Variants in SLC22A25 observed in about 807,000 individuals in gnomAD.
SLC22A25 encodes MGI:2442751, MGI:2385316, MGI:3042283, MGI:3645714, MGI:3605624, MGI:2442750.
A neutral mutation model predicts 45.9 loss-of-function variants in SLC22A25; 44 were observed. That is an observed-to-expected ratio of 0.96 (90% CI 0.75 to 1.23). The LOEUF (loss-of-function observed/expected upper bound fraction) is 1.23. Among genes scored for constraint, SLC22A25 ranks in the 50% most tolerant of loss-of-function variants. SLC22A25 has a pLI of 0.00. For synonymous variants in SLC22A25, 283 were observed against 238.6 expected (o/e 1.19, Z -1.72); for missense variants, 800 against 666.4 (o/e 1.20, Z -2.21).
Position 63,214,719 on chromosome 11 carries a change from C to T in SLC22A25, c.830+2595G>A, listed in dbSNP as rs562700999. ...TGTTTCTCACTTCTGTAATATGCTTCCCCCTGCACAGATCTCCCCCCACCC... is the reference window on the plus strand; with the variant it reads ...TGTTTCTCACTTCTGTAATATGCTTTCCCCTGCACAGATCTCCCCCCACCC... On this transcript the variant is annotated intron_variant, in intron 7 of 11. Transcript: ENST00000306494. Among the ~76,000 whole-genome samples the T allele has an allele frequency of 2.0e-5, 3 of 151,186 alleles. No individual in the cohort carries two copies. The South Asian group carries it at 6.3e-4, about 32-fold the overall frequency.
chr11:63,220,120 G>C (rs775701822), intron 5 of SLC22A25: 2 of 822,190 alleles, frequency 2.4e-6, no homozygotes, highest in Non-Finnish European at 3.5e-6. Context: ...ACCTTTTGTT[G>C]TAAGGTAGAG....
At chr11:63,164,457 C>G (rs1427317101) in intron 11 of SLC22A25, 69 bp downstream of exon 11, 1 of 1,340,402 alleles carries the variant, frequency 7.5e-7, no homozygotes, top group African/African-American at 1.5e-5. Flanking sequence ...ATTTTTTTCC[C>G]TTGTTAAGTG....
chr11:63,223,104 T>C (rs894172989), intron 5 of SLC22A25, among the ~76,000 whole-genome samples: 10 of 152,022 alleles, frequency 6.6e-5, no homozygotes, highest in African/African-American at 2.2e-4. Flanking sequence ...TTGAGGTGTC[T>C]TTGTCTGGTT....
chr11:63,186,245 G>A (rs2088538908), intron 7 of SLC22A25, among the ~76,000 whole-genome samples: 2 of 145,396 alleles, frequency 1.4e-5, no homozygotes, highest in Admixed American at 6.9e-5. Flanking sequence ...TCTAACTGGT[G>A]TGAGATGGTA....
chr11:63,175,820 GGT>G (rs937098880), intron 9 of SLC22A25, among the ~76,000 whole-genome samples: 1 of 148,880 alleles, frequency 6.7e-6, no homozygotes, highest in African/African-American at 2.5e-5. Flanking sequence ...AAGAAAATTG[GGT>G]GTGTATATAT....
intron 5 of SLC22A25, among the ~76,000 whole-genome samples, chr11:63,220,823 A>G (rs1260748520): frequency 6.6e-6 from 1 of 152,032 alleles, no homozygotes; most frequent in Non-Finnish European, 1.5e-5. Context: ...CTCTATGTCC[A>G]TGAGTTTAAT....
intron 5 of SLC22A25, chr11:63,219,848 G>T: frequency 1.8e-6 from 2 of 1,120,876 alleles, no homozygotes; most frequent in Middle Eastern, 2.7e-4. Context: ...TGGGTTACTG[G>T]ACTGTTGGAA....
intron 7 of SLC22A25, among the ~76,000 whole-genome samples, chr11:63,210,995 C>T (rs564664250): frequency 5.3e-5 from 8 of 152,220 alleles, no homozygotes; most frequent in Non-Finnish European, 7.4e-5. Flanking sequence ...TGGGTATTGA[C>T]CCTGACTGTC....
intron 1 of SLC22A25, among the ~76,000 whole-genome samples, chr11:63,242,217 A>G (rs745786421): frequency 6.6e-6 from 1 of 152,190 alleles, no homozygotes; most frequent in Non-Finnish European, 1.5e-5. Context: ...ACTTTCAGAG[A>G]GCAGGTGGAA....
At position 63,229,451 on chromosome 11, in the gene SLC22A25, T is replaced by G; in HGVS notation, c.202A>C (p.Ser68Arg). 1 of 1,614,100 alleles carries G rather than the reference T, an allele frequency of 6.2e-7. No individual in the cohort carries two copies. Among genetic ancestry groups the G allele is most frequent in the Non-Finnish European group, 8.5e-7 (1 of 1,179,942 alleles). Residue 68 changes from serine to arginine, a missense_variant, in exon 4 of 12, where the codon AGC becomes CGC. Ser to Arg is a moderately radical substitution (Grantham distance 110). Coordinates refer to ENST00000306494, the MANE Select transcript of SLC22A25 (RefSeq NM_199352.6). ...TIPDNDPGTL[S>R]QDALLRISIP... The stretch of plus-strand genomic sequence containing the variant: ...GAGATTCTCAGGAGGGCATCCTGGC[T>G]GAGGGTCCCAGGGTCATTGTCAGGG...
chr11:63,169,086 G>A (rs1187698407), intron 9 of SLC22A25, among the ~76,000 whole-genome samples: 1 of 152,102 alleles, frequency 6.6e-6, no homozygotes, highest in Non-Finnish European at 1.5e-5. Context: ...ATAAGCAAAG[G>A]AGAAATAAAA....
At chr11:63,234,118 T>C (rs1380468483) in intron 3 of SLC22A25, among the ~76,000 whole-genome samples, 1 of 152,188 alleles carries the variant, frequency 6.6e-6, no homozygotes, top group Non-Finnish European at 1.5e-5. Flanking sequence ...ATTCTGTTGA[T>C]TTGGGGTGGA....
At chr11:63,220,789 G>A (rs1344885580) in intron 5 of SLC22A25, among the ~76,000 whole-genome samples, 2 of 151,992 alleles carry the variant, frequency 1.3e-5, no homozygotes, top group East Asian at 3.8e-4. Flanking sequence ...GCCCTTCCCA[G>A]TCTCTGGTAA....
chr11:63,182,200 T>C (rs1363568787), intron 8 of SLC22A25, among the ~76,000 whole-genome samples: 1 of 152,088 alleles, frequency 6.6e-6, no homozygotes, highest in Non-Finnish European at 1.5e-5. Context: ...CCTAAACCAA[T>C]TGCTCTTTTT....
intron 7 of SLC22A25, among the ~76,000 whole-genome samples, chr11:63,186,481 C>T (rs2088552835): frequency 6.6e-6 from 1 of 150,590 alleles, no homozygotes; most frequent in Non-Finnish European, 1.5e-5. Context: ...AAATTTTCTC[C>T]CATTCTGTAG....
At chr11:63,200,733 T>C (rs561143814) in intron 7 of SLC22A25, among the ~76,000 whole-genome samples, 3 of 152,284 alleles carry the variant, frequency 2.0e-5, no homozygotes, top group Non-Finnish European at 4.4e-5. Context: ...TGTTCATAGA[T>C]GACAGGTCTT....
chr11:63,234,887 T>A (rs1211084187), intron 3 of SLC22A25, among the ~76,000 whole-genome samples: 1 of 152,220 alleles, frequency 6.6e-6, no homozygotes. Context: ...CATTTCTCCT[T>A]CACTAATGAA....
At chr11:63,231,693 A>G (rs899827012) in intron 3 of SLC22A25, among the ~76,000 whole-genome samples, 2 of 151,588 alleles carry the variant, frequency 1.3e-5, no homozygotes, top group Non-Finnish European at 1.5e-5. Context: ...TGTTTTAGAC[A>G]TGAAGTCCTT....
At chr11:63,197,967 T>C (rs1353195735) in intron 7 of SLC22A25, among the ~76,000 whole-genome samples, 2 of 151,966 alleles carry the variant, frequency 1.3e-5, no homozygotes, top group Non-Finnish European at 2.9e-5. Context: ...AAAAAACACA[T>C]GAAAAAATGC....
Sources: allele counts gnomAD v4.1 joint callset (sites outside exome capture counted in the v4.1 genomes callset), GRCh38; gene constraint gnomAD v4.1.1; transcripts MANE v1.5; gene names NCBI Gene and HGNC (gene_info 2026-07-23, HGNC 2026-07-21).